The following TMEM200A variants were observed in gnomAD, a reference collection of about 807,000 sequenced individuals.
TMEM200A encodes the protein transmembrane protein 200A, also known as two transmembrane C.
A neutral mutation model predicts 24.3 loss-of-function variants in TMEM200A; 12 were observed. The observed-to-expected ratio is 0.49, with a 90% CI of 0.32 to 0.80. TMEM200A has a LOEUF of 0.80. Ranked by LOEUF, TMEM200A falls within the 30% of genes least tolerant of loss-of-function variation. The pLI is 0.04. For synonymous variants in TMEM200A, 224 were observed against 224.4 expected (o/e 1.00, Z 0.02); for missense variants, 545 against 614.4 (o/e 0.89, Z 1.19).
At chr6:130,408,497 G>T (rs574631369) in intron 2 of TMEM200A, among the ~76,000 whole-genome samples, 1 of 152,154 alleles carries the variant, frequency 6.6e-6, no homozygotes, top group Admixed American at 6.6e-5. Context: ...CTTAGACAGG[G>T]TTGGGGAATC....
intron 2 of TMEM200A, among the ~76,000 whole-genome samples, chr6:130,398,323 A>T (rs1198613396): frequency 6.6e-6 from 1 of 152,160 alleles, no homozygotes; most frequent in South Asian, 2.1e-4. Context: ...GCTGCATAGT[A>T]TTCCACAGTG....
At chr6:130,374,502 G>A (rs560769086) in intron 1 of TMEM200A, among the ~76,000 whole-genome samples, 2 of 151,544 alleles carry the variant, frequency 1.3e-5, no homozygotes, top group African/African-American at 4.8e-5. Flanking sequence ...TGCAATCTCC[G>A]CCTCTCAGGT....
At chr6:130,369,722 A>G (rs1178787903) in intron 1 of TMEM200A, among the ~76,000 whole-genome samples, 1 of 152,194 alleles carries the variant, frequency 6.6e-6, no homozygotes, top group East Asian at 1.9e-4. Context: ...TCATTAATTG[A>G]TAGGATGTGT....
intron 2 of TMEM200A, among the ~76,000 whole-genome samples, chr6:130,427,622 A>C (rs932416070): frequency 6.6e-6 from 1 of 152,078 alleles, no homozygotes. Context: ...AGTCTTTCTC[A>C]TGTTACCCTC....
At chr6:130,418,337 A>G (rs1256158311) in intron 2 of TMEM200A, among the ~76,000 whole-genome samples, 2 of 152,202 alleles carry the variant, frequency 1.3e-5, no homozygotes, top group African/African-American at 4.8e-5. Context: ...ATCACAAATA[A>G]TGAAAGTAAA....
chr6:130,402,086 C>A (rs565405987), intron 2 of TMEM200A, among the ~76,000 whole-genome samples: 3 of 145,974 alleles, frequency 2.1e-5, no homozygotes, highest in Non-Finnish European at 4.5e-5. Context: ...AAAAAAAAAA[C>A]CTTAAGGCTT....
intron 1 of TMEM200A, among the ~76,000 whole-genome samples, chr6:130,377,490 A>T (rs2115080043): frequency 6.6e-6 from 1 of 152,202 alleles, no homozygotes; most frequent in South Asian, 2.1e-4. Flanking sequence ...TCTGGGACTC[A>T]TCCCTACCTA....
At chr6:130,389,208 A>G (rs1778779900) in intron 2 of TMEM200A, among the ~76,000 whole-genome samples, 1 of 152,180 alleles carries the variant, frequency 6.6e-6, no homozygotes. Flanking sequence ...AGTATTGATA[A>G]AAATACTAAA....
At chr6:130,428,071 C>G (rs10485236) in intron 2 of TMEM200A, among the ~76,000 whole-genome samples, 1 of 151,902 alleles carries the variant, frequency 6.6e-6, no homozygotes, top group Non-Finnish European at 1.5e-5. Context: ...TTATCTTAGG[C>G]GTCCCTTGAA....
At chr6:130,391,880 T>A (rs1196686502) in intron 2 of TMEM200A, among the ~76,000 whole-genome samples, 1 of 151,800 alleles carries the variant, frequency 6.6e-6, no homozygotes, top group Non-Finnish European at 1.5e-5. Flanking sequence ...GTAGCTGGGA[T>A]AACGGGTGCC....
chr6:130,397,072 A>G (rs1475599148), intron 2 of TMEM200A, among the ~76,000 whole-genome samples: 1 of 152,172 alleles, frequency 6.6e-6, no homozygotes, highest in Non-Finnish European at 1.5e-5. Flanking sequence ...TTTGAATTTA[A>G]TCAGATTAAT....
At chr6:130,433,057 G>T (rs968311285) in intron 2 of TMEM200A, among the ~76,000 whole-genome samples, 2 of 151,918 alleles carry the variant, frequency 1.3e-5, no homozygotes, top group Admixed American at 1.3e-4. Context: ...ATCAAATGAG[G>T]AAGCAAAGAC....
At position 130,436,630 on chromosome 6, in the gene TMEM200A, CCTTTTTTTTTT is replaced by C. The variant is rs1330566568; in HGVS notation, c.-16-3776_-16-3766del. Among the ~76,000 whole-genome samples, 66 of 66,780 alleles carry C rather than the reference CCTTTTTTTTTT, an allele frequency of 9.9e-4. 3 individuals carry two copies. The highest frequency in any genetic ancestry group is 9.8e-3 in the Middle Eastern group (1 of 102). 43.8% of individuals were successfully genotyped at this position (66,780 alleles called of 152,430 possible). On this transcript the variant is annotated intron_variant, in intron 2 of 2. Coordinates refer to ENST00000296978, the MANE Select transcript of TMEM200A (RefSeq NM_001258277.2). ...TTCACTAGGCTTCGTTTTTCTTTAT[CCTTTTTTTTTT>C]TTTTTTTTTTTTTTTTTTTTTCAGA...
intron 2 of TMEM200A, among the ~76,000 whole-genome samples, chr6:130,427,096 C>T (rs1237697785): frequency 1.3e-5 from 2 of 152,166 alleles, no homozygotes; most frequent in African/African-American, 2.4e-5. Context: ...GCAAGCGCAC[C>T]TAATTACTCT....
chr6:130,418,646 C>G (rs985462400), intron 2 of TMEM200A, among the ~76,000 whole-genome samples: 5 of 152,064 alleles, frequency 3.3e-5, no homozygotes, highest in African/African-American at 9.7e-5. Flanking sequence ...TACATTTAGT[C>G]ATGACAGCAA....
At chr6:130,411,852 A>G (rs1444804921) in intron 2 of TMEM200A, among the ~76,000 whole-genome samples, 1 of 151,858 alleles carries the variant, frequency 6.6e-6, no homozygotes, top group East Asian at 1.9e-4. Flanking sequence ...AAACTGCATG[A>G]TATTTTCCAT....
intron 2 of TMEM200A, among the ~76,000 whole-genome samples, chr6:130,404,356 T>TA (rs775177915): frequency 2.0e-5 from 3 of 152,202 alleles, no homozygotes; most frequent in Non-Finnish European, 4.4e-5. Flanking sequence ...TTTGACTTTT[T>TA]AATGATAGCC....
At chr6:130,411,684 G>A (rs1779333201) in intron 2 of TMEM200A, among the ~76,000 whole-genome samples, 2 of 152,118 alleles carry the variant, frequency 1.3e-5, no homozygotes, top group African/African-American at 4.8e-5. Flanking sequence ...GTCTCCTAAG[G>A]TTGGTTTGTT....
Position 130,371,707 on chromosome 6 carries a change from G to C in TMEM200A, c.-81+5183G>C, listed in dbSNP as rs150174853. On this transcript the variant is annotated intron_variant, in intron 1 of 2. Coordinates refer to ENST00000296978, the MANE Select transcript of TMEM200A (RefSeq NM_001258277.2). ...TGCATCCATTCTGGATTTAGGGTTT[G>C]GGGTATAGCAAGGAAAGGGGATGGG... Among the ~76,000 whole-genome samples, 487 of 152,278 alleles carry C rather than the reference G, an allele frequency of 3.2e-3. 3 individuals carry two copies. The highest frequency in any genetic ancestry group is 0.011 in the African/African-American group (465 of 41,554).
Sources: allele counts gnomAD v4.1 joint callset (sites outside exome capture counted in the v4.1 genomes callset), GRCh38; gene constraint gnomAD v4.1.1; transcripts MANE v1.5; gene names NCBI Gene and HGNC (gene_info 2026-07-23, HGNC 2026-07-21).